Variants in CLTCL1 observed in about 807,000 individuals in gnomAD.
CLTCL1 encodes clathrin heavy chain 2.
A neutral mutation model predicts 190.0 loss-of-function variants in CLTCL1; 159 were observed. The observed-to-expected ratio is 0.84, with a 90% CI of 0.74 to 0.95. CLTCL1 has a LOEUF of 0.95. CLTCL1 is among the 40% of genes least tolerant of loss of function. The pLI, the probability that CLTCL1 is intolerant of heterozygous loss-of-function variation, is 0.00. For missense variants in CLTCL1, 1,878 were observed against 2,033.4 expected, an observed-to-expected ratio of 0.92 and a Z score of 1.47; for synonymous variants, 752 against 769.6, an observed-to-expected ratio of 0.98 and a Z score of 0.38.
At chr22:19,224,814 C>T (rs2085687832) in intron 13 of CLTCL1, among the ~76,000 whole-genome samples, 1 of 152,220 alleles carries the variant, frequency 6.6e-6, no homozygotes, top group South Asian at 2.1e-4. Context: ...ATGTCCCACC[C>T]TCCACCGATG....
Position 19,225,616 on chromosome 22 carries a change from A to G in CLTCL1, c.1965T>C (p.Phe655=). 1 of 1,571,022 alleles carries G rather than the reference A, an allele frequency of 6.4e-7. No homozygotes were observed. The change falls in exon 13 of 33, where the codon TTT becomes TTC. Residue 655 remains phenylalanine, a synonymous_variant. Coordinates refer to ENST00000427926, the MANE Select transcript of CLTCL1 (RefSeq NM_007098.4). ...LLNPEWLVNF[F]GSLSVEDSVE... is the part of the protein sequence containing the mutation. Reference sequence around the variant, plus strand: ...CAGAATCCTCCACCGATAAGGAGCCAAAGAAATTGACAAGCCACTGGGAAC... The same window carrying G: ...CAGAATCCTCCACCGATAAGGAGCCGAAGAAATTGACAAGCCACTGGGAAC...
chr22:19,226,922 G>A (rs1040478326), intron 11 of CLTCL1, among the ~76,000 whole-genome samples: 2 of 151,840 alleles, frequency 1.3e-5, no homozygotes, highest in Admixed American at 1.3e-4. Context: ...ATTTTTAGTA[G>A]AGACAGAGTT....
Position 19,242,953 on chromosome 22 carries a change from T to C in CLTCL1, c.520-17A>G. 3 of 1,606,212 alleles carry C rather than the reference T, an allele frequency of 1.9e-6. No individual in the cohort carries two copies. Among genetic ancestry groups the C allele is most frequent in the South Asian group, 1.1e-5 (1 of 90,586 alleles). Reference sequence around the variant, plus strand: ...ACGGTTTTGCTAAGAAAAGATATTATGCAATGAAAGGGAGAGAAAAGAGAG... The same window carrying C: ...ACGGTTTTGCTAAGAAAAGATATTACGCAATGAAAGGGAGAGAAAAGAGAG... On this transcript the variant is annotated splice_polypyrimidine_tract_variant and intron_variant, in intron 3 of 32. Coordinates refer to ENST00000427926, the MANE Select transcript of CLTCL1 (RefSeq NM_007098.4).
intron 11 of CLTCL1, 133 bp downstream of exon 11, chr22:19,229,705 T>C: frequency 5.3e-6 from 4 of 760,390 alleles, no homozygotes; most frequent in African/African-American, 3.6e-5. Flanking sequence ...TCATGGAGAA[T>C]GTCCACTGAG....
chr22:19,237,367 A>T (rs535462742), intron 5 of CLTCL1, among the ~76,000 whole-genome samples: 12 of 152,300 alleles, frequency 7.9e-5, no homozygotes, highest in Non-Finnish European at 1.2e-4. Flanking sequence ...AAAGGCAATT[A>T]ACCGGATACA....
intron 32 of CLTCL1, 26 bp from the exon 33 acceptor site, chr22:19,179,995 G>A (rs970306794): frequency 5.1e-6 from 3 of 593,494 alleles, no homozygotes; most frequent in African/African-American, 1.9e-5. Flanking sequence ...CCCACAATGA[G>A]CAGAGCTCTT....
chr22:19,285,784 C>T (rs1366945882), intron 1 of CLTCL1, among the ~76,000 whole-genome samples: 9 of 152,118 alleles, frequency 5.9e-5, no homozygotes, highest in Admixed American at 4.6e-4. Flanking sequence ...AAGATTCCCC[C>T]TTAGAGAAGG....
At chr22:19,192,028 T>A (rs561674037) in intron 26 of CLTCL1, among the ~76,000 whole-genome samples, 1 of 150,580 alleles carries the variant, frequency 6.6e-6, no homozygotes, top group South Asian at 2.1e-4. Flanking sequence ...CTTTCCCCAC[T>A]GGTCTGCCAC....
chr22:19,193,693 G>A (rs1000952413), intron 26 of CLTCL1, among the ~76,000 whole-genome samples: 27 of 152,214 alleles, frequency 1.8e-4, no homozygotes, highest in African/African-American at 6.5e-4. Context: ...TGGTCTCACT[G>A]ACTTCAAGAA....
intron 29 of CLTCL1, 48 bp from the exon 30 acceptor site, chr22:19,183,659 T>G: frequency 3.2e-6 from 5 of 1,578,066 alleles, no homozygotes; most frequent in Non-Finnish European, 4.3e-6. Context: ...GGCAGAGGCT[T>G]TGTGCCTGCA....
chr22:19,222,443 C>A (rs1354360217), intron 15 of CLTCL1, among the ~76,000 whole-genome samples: 1 of 152,190 alleles, frequency 6.6e-6, no homozygotes, highest in African/African-American at 2.4e-5. Flanking sequence ...TCACCAGAAA[C>A]CAGCCCTGCC....
In CLTCL1 at chr22:19,187,668, G is replaced by A; in HGVS notation, c.4495C>T (p.Leu1499=). 6.2e-7 allele frequency: 1 copy of A among 1,613,864 alleles called. No homozygotes were observed. Among genetic ancestry groups the A allele is most frequent in the Non-Finnish European group, 8.5e-7 (1 of 1,179,890 alleles). The change falls in exon 29 of 33, where the codon CTG becomes TTG. Residue 1499 remains leucine (L), a synonymous_variant. Coordinates refer to ENST00000427926, the MANE Select transcript of CLTCL1 (RefSeq NM_007098.4). ...AACTCCATCAGCTGATGCTTCTCCA[G>A]CTGCTGAGCCAGGCTGATGTTGTCA... The part of the protein sequence containing the change: ...NFDNISLAQQ[L]EKHQLMEFRC...
intron 1 of CLTCL1, among the ~76,000 whole-genome samples, chr22:19,283,934 A>G (rs1238005288): frequency 6.6e-6 from 1 of 151,242 alleles, no homozygotes; most frequent in East Asian, 2.0e-4. Context: ...AGAGGCTGGA[A>G]TGAGCCAAGA....
At chr22:19,224,252 G>A (rs1216309108) in intron 13 of CLTCL1, among the ~76,000 whole-genome samples, 198 bp from the exon 14 acceptor site, 1 of 152,060 alleles carries the variant, frequency 6.6e-6, no homozygotes, top group Non-Finnish European at 1.5e-5. Flanking sequence ...TATTTGGCAG[G>A]TATACCTGGC....
chr22:19,239,391 A>G lies in CLTCL1; in HGVS notation c.682-3T>C. On this transcript the variant is annotated splice_polypyrimidine_tract_variant and splice_region_variant and intron_variant, in intron 4 of 32. Transcript: ENST00000427926. ...TGTCCAACTTCAATGATGTGCAACT[A>G]GAAGAGAGATTTTAGGTCAATCAAG... The G allele has an allele frequency of 6.2e-7, 1 of 1,612,110 alleles. No homozygotes were observed. The highest frequency in any genetic ancestry group is 8.5e-7 in the Non-Finnish European group (1 of 1,178,180).
chr22:19,272,258 T>A (rs73160229), intron 2 of CLTCL1, among the ~76,000 whole-genome samples: 8,885 of 152,160 alleles, frequency 0.058, 321 homozygotes, highest in Middle Eastern at 0.16. Context: ...GCAAAATGTA[T>A]CTGGTTTTAA....
intron 29 of CLTCL1, chr22:19,184,943 C>T (rs990597213): frequency 3.7e-5 from 7 of 187,698 alleles, no homozygotes; most frequent in South Asian, 2.1e-4. Flanking sequence ...CCTGTACTTC[C>T]GCAGGCCCCT....
At chr22:19,280,262 T>C (rs1430260840) in intron 1 of CLTCL1, among the ~76,000 whole-genome samples, 1 of 152,054 alleles carries the variant, frequency 6.6e-6, no homozygotes, top group East Asian at 1.9e-4. Flanking sequence ...CTTTGGATGC[T>C]GATTCAAATA....
At chr22:19,235,468 T>C (rs1005327348) in intron 6 of CLTCL1, among the ~76,000 whole-genome samples, 2 of 152,218 alleles carry the variant, frequency 1.3e-5, no homozygotes, top group African/African-American at 4.8e-5. Flanking sequence ...AGAACTGCTG[T>C]TCTATACGCA....
Sources: gnomAD v4.1 joint callset for allele counts (sites outside exome capture counted in the v4.1 genomes callset) on GRCh38, gnomAD v4.1.1 for gene constraint, MANE v1.5 for transcripts, NCBI Gene and HGNC (gene_info 2026-07-23, HGNC 2026-07-21) for gene names.